OAS1: variants seen among roughly 807,000 people sequenced by gnomAD.
OAS1 encodes 2'-5'-oligoadenylate synthetase 1, also known as 2'-5'-oligoadenylate synthase 1.
A neutral mutation model predicts 38.5 loss-of-function variants in OAS1; 24 were observed. That is an observed-to-expected ratio of 0.62 (90% CI 0.45 to 0.88). OAS1 has a LOEUF of 0.88. OAS1 is among the 40% of genes least tolerant of loss of function. The pLI, the probability that OAS1 is intolerant of heterozygous loss-of-function variation, is 0.00. For missense variants in OAS1, 482 were observed against 493.9 expected (o/e 0.98, Z 0.23); for synonymous variants, 169 against 193.9 (o/e 0.87, Z 1.07).
intron 3 of OAS1, among the ~76,000 whole-genome samples, chr12:112,914,878 T>C (rs2043434950): frequency 6.6e-6 from 1 of 152,072 alleles, no homozygotes; most frequent in Non-Finnish European, 1.5e-5. Flanking sequence ...CTCCTAATGC[T>C]ATCCCTCCCC....
chr12:112,914,450 A>T (rs2043426750), intron 3 of OAS1, among the ~76,000 whole-genome samples: 1 of 152,214 alleles, frequency 6.6e-6, no homozygotes, highest in South Asian at 2.1e-4. Context: ...TCCTCTGGGT[A>T]GATACCTAGT....
intron 1 of OAS1, 144 bp downstream of exon 1, chr12:112,907,363 T>C (rs1246588054): frequency 7.3e-6 from 5 of 685,288 alleles, no homozygotes; most frequent in Admixed American, 5.8e-5. Context: ...TCTTCTGGGA[T>C]GGTGGTTTCT....
intron 4 of OAS1, chr12:112,917,066 G>A (rs913411601): frequency 1.4e-5 from 5 of 350,370 alleles, no homozygotes; most frequent in Non-Finnish European, 2.1e-5. Flanking sequence ...GATAGTAATT[G>A]CTCCCAGGTA....
intron 3 of OAS1, 92 bp downstream of exon 3, chr12:112,911,327 G>T (rs2043380793): frequency 2.0e-6 from 2 of 979,770 alleles, no homozygotes; most frequent in African/African-American, 3.3e-5. Context: ...GTGAAGGGAA[G>T]AGGAGGGGGA....
chr12:112,910,698 C>T (rs2043364026), intron 2 of OAS1, among the ~76,000 whole-genome samples: 1 of 152,154 alleles, frequency 6.6e-6, no homozygotes, highest in Non-Finnish European at 1.5e-5. Flanking sequence ...CAGATCACAC[C>T]AGACATCATT....
At chr12:112,916,841 G>A in intron 4 of OAS1, 103 bp downstream of exon 4, 3 of 844,250 alleles carry the variant, frequency 3.6e-6, no homozygotes, top group East Asian at 5.0e-5. Context: ...CCCACTTAGT[G>A]AGAATCTCCT....
intron 3 of OAS1, among the ~76,000 whole-genome samples, chr12:112,915,748 T>A (rs2043446062): frequency 6.6e-6 from 1 of 152,232 alleles, no homozygotes; most frequent in East Asian, 1.9e-4. Context: ...TACCCATTCA[T>A]GAGCATGGGA....
At chr12:112,924,565 A>T (rs1420878012), downstream of OAS1, among the ~76,000 whole-genome samples, 2 of 152,054 alleles carry the variant, frequency 1.3e-5, no homozygotes, top group African/African-American at 4.8e-5. Context: ...ACAATGTTTT[A>T]TCATTTTCCC....
rs1331190559 is a variant in OAS1 at position 112,908,621 on chromosome 12, A to C, written c.266A>C (p.Gln89Pro). ...TTCCTCAGTCCTCTCACCACTTTTCAGGATCAGTTAAATCGCCGGGGAGAG... is the reference window on the plus strand; with the variant it reads ...TTCCTCAGTCCTCTCACCACTTTTCCGGATCAGTTAAATCGCCGGGGAGAG... ...VVFLSPLTTF[Q>P]DQLNRRGEFI... Residue 89 changes from glutamine to proline, a missense_variant, in exon 2 of 6, where the codon CAG becomes CCG. Gln to Pro is a moderately conservative substitution (Grantham distance 76, BLOSUM62 -1). Transcript: ENST00000202917. The C allele has an allele frequency of 6.2e-7, 1 of 1,614,062 alleles. No homozygotes were observed. Among genetic ancestry groups the C allele is most frequent in the East Asian group, 2.2e-5 (1 of 44,892 alleles).
In OAS1 at chr12:112,919,672, G is replaced by C. The variant is rs200449990; in HGVS notation, c.*119G>C. The C allele has an allele frequency of 1.8e-4, 278 of 1,572,450 alleles. 1 individual carries two copies. Among genetic ancestry groups the C allele is most frequent in the Non-Finnish European group, 3.6e-5 (42 of 1,157,622 alleles). On this transcript the variant is annotated 3_prime_UTR_variant, in exon 6 of 6. Coordinates refer to ENST00000202917, the MANE Select transcript of OAS1 (RefSeq NM_016816.4). ...CCTCAGTGAGCTGGTGTATAATCCA[G>C]GACAGAACCCAGGTCTCCTGACTCC...
At chr12:112,929,415 A>C (rs1014403874) in intron 6 of OAS1, among the ~76,000 whole-genome samples, 2 of 151,752 alleles carry the variant, frequency 1.3e-5, no homozygotes, top group Non-Finnish European at 2.9e-5. Flanking sequence ...TCCTCTCCAC[A>C]CTCCAACCCC....
intron 6 of OAS1, among the ~76,000 whole-genome samples, chr12:112,925,287 C>T (rs1474393507): frequency 3.3e-5 from 5 of 151,986 alleles, no homozygotes; most frequent in African/African-American, 9.7e-5. Flanking sequence ...TCTCCCACAC[C>T]CTCCCCCTTT....
chr12:112,919,423 A>T lies in OAS1; in HGVS notation c.1073A>T (p.Asp358Val), dbSNP rs775069629. ...ESNSADDETD[D>V]PRRYQKYGYI... is the part of the protein sequence containing the mutation. ...AACAGTGCAGACGATGAGACCGACG[A>T]TCCCAGGAGGTATCAGAAATATGGT... The change falls in exon 6 of 6, where the codon GAT becomes GTT. Residue 358 changes from aspartate (D) to valine (V), a missense_variant. Coordinates refer to ENST00000202917, the MANE Select transcript of OAS1 (RefSeq NM_016816.4). The T allele has an allele frequency of 2.5e-6, 4 of 1,613,940 alleles. No homozygotes were observed. The highest frequency in any genetic ancestry group is 1.1e-5 in the South Asian group (1 of 91,074).
chr12:112,932,097 C>A, exon 7 of OAS1: 1 of 580,350 alleles, frequency 1.7e-6, no homozygotes, highest in Non-Finnish European at 3.0e-6. Context: ...CTATTTCCAG[C>A]TCTGCTTTCA....
At position 112,911,063 on chromosome 12, in the gene OAS1, G is replaced by A. The variant is rs2136302285; in HGVS notation, c.482G>A (p.Gly161Asp). Residue 161 changes from glycine (G) to aspartate (D), a missense_variant, in exon 3 of 6, where the codon GGC (glycine) becomes GAC (aspartate). Coordinates refer to ENST00000202917, the MANE Select transcript of OAS1 (RefSeq NM_016816.4). Reference sequence around the variant, plus strand: ...TTTGCCCGAACAGGTCAGTTGACTGGCGGCTATAAACCTAACCCCCAAATC... The same window carrying A: ...TTTGCCCGAACAGGTCAGTTGACTGACGGCTATAAACCTAACCCCCAAATC... ...PAFDALGQLT[G>D]GYKPNPQIYV... 6.2e-7 allele frequency: 1 copy of A among 1,613,640 alleles called. No individual in the cohort carries two copies. The highest frequency in any genetic ancestry group is 8.5e-7 in the Non-Finnish European group (1 of 1,179,752).
chr12:112,931,961 C>T, exon 7 of OAS1: 1 of 701,782 alleles, frequency 1.4e-6, no homozygotes, highest in Admixed American at 2.0e-5. Context: ...AGAGGAGCCT[C>T]ATTATCCTAT....
Position 112,919,432 on chromosome 12 carries a change from G to T in OAS1, c.1082G>T (p.Arg361Met), listed in dbSNP as rs1051042. 1,042 of 1,613,902 alleles carry T rather than the reference G, an allele frequency of 6.5e-4. 12 individuals carry two copies. The highest frequency in any genetic ancestry group is 3.3e-4 in the Middle Eastern group (2 of 6,062). ...GACGATGAGACCGACGATCCCAGGA[G>T]GTATCAGAAATATGGTTACATTGGA... is the stretch of plus-strand genomic sequence containing the variant. The part of the protein sequence containing the change: ...SADDETDDPR[R>M]YQKYGYIGTH... The change falls in exon 6 of 6, where the codon AGG becomes ATG. Residue 361 changes from arginine to methionine, a missense_variant. Coordinates refer to ENST00000202917, the MANE Select transcript of OAS1 (RefSeq NM_016816.4).
At chr12:112,930,440 G>A (rs2136335186) in intron 6 of OAS1, among the ~76,000 whole-genome samples, 1 of 152,302 alleles carries the variant, frequency 6.6e-6, no homozygotes, top group South Asian at 2.1e-4. Context: ...CCTTTGTTAG[G>A]CCCCAGTGCA....
intron 6 of OAS1, among the ~76,000 whole-genome samples, chr12:112,925,870 T>C (rs1310624619): frequency 6.6e-6 from 1 of 152,172 alleles, no homozygotes; most frequent in Non-Finnish European, 1.5e-5. Flanking sequence ...AAGGAGCTAA[T>C]GGATGATGGA....
Sources: allele counts gnomAD v4.1 joint callset (sites outside exome capture counted in the v4.1 genomes callset), GRCh38; gene constraint gnomAD v4.1.1; transcripts MANE v1.5; gene names NCBI Gene and HGNC (gene_info 2026-07-23, HGNC 2026-07-21).